RSPH14: variants seen among roughly 807,000 people sequenced by gnomAD.
The protein encoded by RSPH14 is rhabdoid tumor deletion region gene 1.
A neutral mutation model predicts 26.7 loss-of-function variants in RSPH14; 20 were observed. The observed-to-expected ratio is 0.75, with a 90% CI of 0.53 to 1.09. RSPH14 has a LOEUF of 1.09. Ranked by LOEUF, RSPH14 falls within the 50% of genes least tolerant of loss-of-function variation. RSPH14 has a pLI of 0.00. For synonymous variants in RSPH14, 177 were observed against 189.3 expected (o/e 0.93, Z 0.53); for missense variants, 449 against 457.2 (o/e 0.98, Z 0.16).
the RSPH14 span, among the ~76,000 whole-genome samples, chr22:23,179,299 C>T: frequency 6.6e-6 from 1 of 152,290 alleles, no homozygotes; most frequent in East Asian, 1.9e-4. Flanking sequence ...AGGACTCAAG[C>T]CCAGTAATTC....
At chr22:23,176,896 T>C in the RSPH14 span, among the ~76,000 whole-genome samples, 2 of 152,186 alleles carry the variant, frequency 1.3e-5, no homozygotes, top group East Asian at 3.8e-4. Flanking sequence ...AACCAAACAT[T>C]CAGTTCTTCA....
the RSPH14 span, chr22:23,152,965 T>C: frequency 8.9e-7 from 1 of 1,127,074 alleles, no homozygotes; most frequent in South Asian, 1.3e-5. Context: ...ACTTGCAGTG[T>C]TACAAGTGAA....
chr22:23,162,569 C>G, the RSPH14 span: 1 of 448,290 alleles, frequency 2.2e-6, no homozygotes. Flanking sequence ...GCCTCCTGCA[C>G]ATGCAGAGCA....
intron 4 of RSPH14, among the ~76,000 whole-genome samples, chr22:23,128,891 G>C (rs1177221311): frequency 1.3e-5 from 2 of 152,224 alleles, no homozygotes; most frequent in Non-Finnish European, 2.9e-5. Flanking sequence ...CGCCCTGCCA[G>C]GTGCAGAGGG....
the RSPH14 span, among the ~76,000 whole-genome samples, chr22:23,151,861 C>T: frequency 6.6e-6 from 1 of 152,208 alleles, no homozygotes; most frequent in Non-Finnish European, 1.5e-5. Flanking sequence ...AGCCACAGCC[C>T]GGATGCATAG....
At chr22:23,131,374 T>C in intron 4 of RSPH14, 1 of 238,812 alleles carries the variant, frequency 4.2e-6, no homozygotes, top group Non-Finnish European at 8.5e-6. Context: ...ACCAGATTAT[T>C]AGTAGCTCAA....
At chr22:23,159,353 C>G in the RSPH14 span, 3 of 1,163,626 alleles carry the variant, frequency 2.6e-6, no homozygotes, top group Non-Finnish European at 3.6e-6. Context: ...AGCCAGTCGT[C>G]TGTTCCCTCT....
In RSPH14 at chr22:23,059,686, C is replaced by T. The variant is rs770415383; in HGVS notation, c.823G>A (p.Gly275Ser). 15 of 1,560,564 alleles carry T rather than the reference C, an allele frequency of 9.6e-6. No homozygotes were observed. The highest frequency in any genetic ancestry group is 4.5e-5 in the East Asian group (2 of 44,264). The part of the protein sequence containing the change: ...KYAALEAQAI[G>S]LLLELLHSPM... ...GAGTGCAGCAGCTCCAGGAGCAGGCCGATGGCTTGTGCCTCCAGGGCCGCA... is the reference window on the plus strand; with the variant it reads ...GAGTGCAGCAGCTCCAGGAGCAGGCTGATGGCTTGTGCCTCCAGGGCCGCA... The change falls in exon 7 of 7, where the codon GGC becomes AGC. Residue 275 changes from glycine to serine, a missense_variant. By Grantham distance (56) the Gly-to-Ser change is moderately conservative. Coordinates refer to ENST00000216036, the MANE Select transcript of RSPH14 (RefSeq NM_014433.3).
the RSPH14 span, chr22:23,161,753 G>A: frequency 1.7e-6 from 1 of 585,552 alleles, no homozygotes; most frequent in Admixed American, 3.1e-5. Flanking sequence ...TGCAGGTTGG[G>A]CACTAGAAAA....
the RSPH14 span, among the ~76,000 whole-genome samples, chr22:23,174,786 T>C: frequency 1.3e-5 from 2 of 151,528 alleles, no homozygotes. Context: ...CTGACCAACA[T>C]GGAGAAACCC....
the RSPH14 span, chr22:23,150,293 C>CT: frequency 5.1e-3 from 2,501 of 491,966 alleles, no homozygotes; most frequent in Non-Finnish European, 6.0e-3. Flanking sequence ...CTGGGGTTTT[C>CT]TTTTTTTTTT....
chr22:23,128,166 C>A (rs1268185542), intron 4 of RSPH14, among the ~76,000 whole-genome samples: 1 of 152,218 alleles, frequency 6.6e-6, no homozygotes, highest in Non-Finnish European at 1.5e-5. Flanking sequence ...CTGAGCTGTT[C>A]AACTGCACCC....
Position 23,135,212 on chromosome 22 carries a change from G to A in RSPH14, c.303-1068C>T, listed in dbSNP as rs180975559. 2.9e-3 allele frequency among the ~76,000 whole-genome samples: 430 copies of A among 150,760 alleles called. 2 individuals carry two copies. The highest frequency in any genetic ancestry group is 9.3e-3 in the African/African-American group (380 of 40,966). ...TTCTAGGCCAGGCGCGGTGGCTCAC[G>A]CCTGTAATCCCAGCACTTTGGAAGG... On this transcript the variant is annotated intron_variant, in intron 3 of 6. Transcript: ENST00000216036.
chr22:23,122,809 T>C (rs2070069681), intron 4 of RSPH14: 2 of 516,998 alleles, frequency 3.9e-6, no homozygotes, highest in South Asian at 2.6e-5. Context: ...GCCCCAAAGC[T>C]ATATGTTGAG....
At chr22:23,160,091 G>A in the RSPH14 span, among the ~76,000 whole-genome samples, 276 of 152,260 alleles carry the variant, frequency 1.8e-3, 3 homozygotes, top group African/African-American at 6.5e-3. Context: ...TCAGGAATTG[G>A]GCCCAGTAGT....
chr22:23,082,015 C>T (rs1209618022), intron 4 of RSPH14, among the ~76,000 whole-genome samples: 1 of 149,768 alleles, frequency 6.7e-6, no homozygotes, highest in Non-Finnish European at 1.5e-5. Flanking sequence ...GTCCTAGCTA[C>T]TTGGGAGGCT....
the RSPH14 span, chr22:23,179,576 A>G: frequency 1.3e-5 from 2 of 152,334 alleles, no homozygotes; most frequent in Admixed American, 1.3e-4. Context: ...AACTACATTG[A>G]CCTCTGGAGC....
intron 6 of RSPH14, 106 bp downstream of exon 6, chr22:23,061,703 A>G (rs1483287030): frequency 2.1e-6 from 3 of 1,408,720 alleles, no homozygotes; most frequent in Admixed American, 2.3e-5. Flanking sequence ...TTTTTTTGCA[A>G]AGTGTGGAGT....
At chr22:23,141,248 G>C (rs940824900) in intron 1 of RSPH14, among the ~76,000 whole-genome samples, 13 of 145,832 alleles carry the variant, frequency 8.9e-5, no homozygotes, top group African/African-American at 3.3e-4. Context: ...AGAATCGCTT[G>C]AATCAGGGAG....
Sources: gnomAD v4.1 joint callset for allele counts (sites outside exome capture counted in the v4.1 genomes callset) on GRCh38, gnomAD v4.1.1 for gene constraint, MANE v1.5 for transcripts, NCBI Gene and HGNC (gene_info 2026-07-23, HGNC 2026-07-21) for gene names.